The following GPR39 variants were observed in gnomAD, a reference collection of about 807,000 sequenced individuals.
The protein encoded by GPR39 is zinc sensing receptor.
Under a neutral mutation model 18.4 loss-of-function variants are expected in GPR39, and 23 were observed. That is an observed-to-expected ratio of 1.25 (90% CI 0.90 to 1.77). GPR39 has a LOEUF of 1.77. Among genes scored for constraint, GPR39 ranks in the 40% most tolerant of loss-of-function variants. GPR39 has a pLI of 0.00. For synonymous variants in GPR39, 280 were observed against 257.9 expected, an observed-to-expected ratio of 1.09 and a Z score of -0.82; for missense variants, 647 against 602.4, an observed-to-expected ratio of 1.07 and a Z score of -0.78.
At chr2:132,525,043 C>A (rs929438403) in intron 1 of GPR39, among the ~76,000 whole-genome samples, 1 of 152,148 alleles carries the variant, frequency 6.6e-6, no homozygotes, top group Non-Finnish European at 1.5e-5. Context: ...TAGAATGTCC[C>A]CCTACCCATC....
At chr2:132,570,588 TA>T (rs1473031408) in intron 1 of GPR39, among the ~76,000 whole-genome samples, 1 of 152,154 alleles carries the variant, frequency 6.6e-6, no homozygotes, top group Non-Finnish European at 1.5e-5. Flanking sequence ...TCTCCTATCT[TA>T]AAAACAAGAC....
intron 1 of GPR39, 71 bp downstream of exon 1, chr2:132,417,969 T>C: frequency 1.3e-6 from 2 of 1,508,696 alleles, no homozygotes; most frequent in Non-Finnish European, 1.8e-6. Context: ...CCACTGCCTG[T>C]GGCCCTCTCC....
intron 1 of GPR39, among the ~76,000 whole-genome samples, chr2:132,455,928 TGTG>T (rs773531780): frequency 9.0e-4 from 137 of 152,324 alleles, no homozygotes; most frequent in Non-Finnish European, 1.2e-3. Flanking sequence ...ATAAGTGTGA[TGTG>T]GTGCTGAGAA....
intron 1 of GPR39, among the ~76,000 whole-genome samples, chr2:132,428,632 A>C (rs1011142136): frequency 2.6e-5 from 4 of 152,206 alleles, no homozygotes; most frequent in Non-Finnish European, 4.4e-5. Flanking sequence ...TTGAATTGTA[A>C]TCTGCATTGT....
chr2:132,568,267 A>C (rs780506059), intron 1 of GPR39, among the ~76,000 whole-genome samples: 4 of 152,058 alleles, frequency 2.6e-5, no homozygotes, highest in Non-Finnish European at 4.4e-5. Flanking sequence ...TTAGGAAGTG[A>C]TGATGTTTCT....
At chr2:132,489,809 G>A (rs966035965) in intron 1 of GPR39, among the ~76,000 whole-genome samples, 1 of 151,894 alleles carries the variant, frequency 6.6e-6, no homozygotes, top group African/African-American at 2.4e-5. Flanking sequence ...TTACTTTTCT[G>A]TATTAAAAAT....
intron 1 of GPR39, among the ~76,000 whole-genome samples, chr2:132,630,539 G>A (rs900853118): frequency 6.6e-6 from 1 of 152,176 alleles, no homozygotes; most frequent in Non-Finnish European, 1.5e-5. Context: ...TTATTCTAAG[G>A]TTAATAACAA....
intron 1 of GPR39, among the ~76,000 whole-genome samples, chr2:132,536,362 A>G (rs1488817981): frequency 1.3e-5 from 2 of 152,068 alleles, no homozygotes; most frequent in East Asian, 1.9e-4. Context: ...TTCAATTTCC[A>G]TGTAGTTGTG....
At chr2:132,488,261 G>A (rs1027335622) in intron 1 of GPR39, among the ~76,000 whole-genome samples, 9 of 151,924 alleles carry the variant, frequency 5.9e-5, no homozygotes, top group Non-Finnish European at 5.9e-5. Flanking sequence ...AACTTGACCA[G>A]ATATAAAACA....
intron 1 of GPR39, chr2:132,488,447 T>G (rs1190463867): frequency 6.5e-6 from 1 of 153,280 alleles, no homozygotes; most frequent in Non-Finnish European, 1.5e-5. Context: ...GGACTTAAGG[T>G]CTTCAGCTCC....
intron 1 of GPR39, among the ~76,000 whole-genome samples, chr2:132,451,147 C>CTGTG (rs34508615): frequency 0.3 from 31,923 of 105,916 alleles, 3,425 homozygotes; most frequent in Middle Eastern, 0.45. Context: ...ATCTTTGAGG[C>CTGTG]TGTGTGTGTG....
At chr2:132,427,151 T>TAGGTAC (rs1244691020) in intron 1 of GPR39, among the ~76,000 whole-genome samples, 1 of 77,100 alleles carries the variant, frequency 1.3e-5, no homozygotes, top group African/African-American at 7.3e-5. Flanking sequence ...TATATATATA[T>TAGGTAC]ATATATATAT....
At chr2:132,549,566 A>G (rs1291996867) in intron 1 of GPR39, among the ~76,000 whole-genome samples, 1 of 152,136 alleles carries the variant, frequency 6.6e-6, no homozygotes, top group African/African-American at 2.4e-5. Flanking sequence ...AGGCGGGTGT[A>G]TCACGAGGTC....
rs183114450 is a variant in GPR39, at chr2:132,533,087, C to T, written c.857-112014C>T. On this transcript the variant is annotated intron_variant, in intron 1 of 1. Transcript: ENST00000329321. The stretch of plus-strand genomic sequence containing the variant: ...GTTTGCAGATGACATGATTGTATAT[C>T]TAGAAAACCCCATCGTCTCAGCCCA... 2.7e-3 allele frequency among the ~76,000 whole-genome samples: 405 copies of T among 152,142 alleles called. 1 individual carries two copies. The highest frequency in any genetic ancestry group is 8.5e-3 in the African/African-American group (353 of 41,532).
intron 1 of GPR39, among the ~76,000 whole-genome samples, chr2:132,637,899 G>T (rs553571751): frequency 6.6e-6 from 1 of 152,156 alleles, no homozygotes; most frequent in African/African-American, 2.4e-5. Flanking sequence ...GCCTTCTCAA[G>T]ATGATCCGAA....
At chr2:132,501,163 C>T (rs1455489344) in intron 1 of GPR39, among the ~76,000 whole-genome samples, 1 of 143,806 alleles carries the variant, frequency 7.0e-6, no homozygotes, top group African/African-American at 2.6e-5. Context: ...TTCTCCAGTT[C>T]TGTGAGGTGT....
chr2:132,521,967 T>C (rs534259707), intron 1 of GPR39, among the ~76,000 whole-genome samples: 1 of 152,354 alleles, frequency 6.6e-6, no homozygotes, highest in African/African-American at 2.4e-5. Context: ...TTTCATTTTA[T>C]AATTTGAGTT....
intron 1 of GPR39, among the ~76,000 whole-genome samples, chr2:132,584,936 C>A (rs1289869957): frequency 1.3e-5 from 2 of 152,194 alleles, no homozygotes; most frequent in Non-Finnish European, 2.9e-5. Context: ...GATCTCAGAA[C>A]CTCCTCAAAA....
chr2:132,610,133 T>C (rs1043209797), intron 1 of GPR39, among the ~76,000 whole-genome samples: 4 of 152,180 alleles, frequency 2.6e-5, no homozygotes, highest in African/African-American at 9.7e-5. Flanking sequence ...ATCCACAGTT[T>C]GCTGAATGAA....
Sources: gnomAD v4.1 joint callset for allele counts (sites outside exome capture counted in the v4.1 genomes callset) on GRCh38, gnomAD v4.1.1 for gene constraint, MANE v1.5 for transcripts, NCBI Gene and HGNC (gene_info 2026-07-23, HGNC 2026-07-21) for gene names.